Variants in MRGPRX3 observed in about 807,000 individuals in gnomAD.
The protein encoded by MRGPRX3 is mas-related G protein-coupled receptor member X3.
In MRGPRX3, 14 loss-of-function variants were observed where a neutral mutation model predicts 16.5. That is an observed-to-expected ratio of 0.85 (90% CI 0.56 to 1.33). MRGPRX3 has a LOEUF of 1.33. Among genes scored for constraint, MRGPRX3 ranks in the 40% most tolerant of loss-of-function variants. The pLI, the probability that MRGPRX3 is intolerant of heterozygous loss-of-function variation, is 0.00. For synonymous variants in MRGPRX3, 199 were observed against 180.1 expected, an observed-to-expected ratio of 1.10 and a Z score of -0.84; for missense variants, 449 against 413.0, an observed-to-expected ratio of 1.09 and a Z score of -0.76.
intron 1 of MRGPRX3, among the ~76,000 whole-genome samples, chr11:18,125,852 C>A (rs1181531103): frequency 3.3e-5 from 5 of 152,268 alleles, no homozygotes; most frequent in Admixed American, 2.6e-4. Context: ...TAAGGACTTG[C>A]TTTATGAATC....
Position 18,137,544 on chromosome 11 carries a change from C to T in MRGPRX3, c.342C>T (p.Ser114=), listed in dbSNP as rs150356587. ...ACTTTATAGGCCTAAGCATGCTGAG[C>T]GCCATCAGCACCGAGCGCTGCCTGT... is the stretch of plus-strand genomic sequence containing the variant. ...FPYFIGLSML[S]AISTERCLSI... is the part of the protein sequence containing the mutation. Residue 114 remains serine (S), a synonymous_variant, in exon 2 of 2, where the codon AGC becomes AGT. Coordinates refer to ENST00000621697, the MANE Select transcript of MRGPRX3 (RefSeq NM_001370464.1). 74 of 1,614,038 alleles carry T rather than the reference C, an allele frequency of 4.6e-5. No homozygotes were observed. Among genetic ancestry groups the T allele is most frequent in the Middle Eastern group, 1.6e-4 (1 of 6,084 alleles).
intron 1 of MRGPRX3, among the ~76,000 whole-genome samples, chr11:18,135,055 G>C (rs1848996098): frequency 6.6e-6 from 1 of 152,184 alleles, no homozygotes; most frequent in East Asian, 1.9e-4. Context: ...GCAGAGAACA[G>C]AACTGGAGTC....
intron 1 of MRGPRX3, among the ~76,000 whole-genome samples, chr11:18,135,484 GGA>G (rs1403022939): frequency 2.0e-5 from 3 of 152,164 alleles, no homozygotes; most frequent in Non-Finnish European, 4.4e-5. Context: ...TACTCCCAGA[GGA>G]GGATGCATCT....
intron 1 of MRGPRX3, among the ~76,000 whole-genome samples, chr11:18,136,940 A>C (rs1425475410): frequency 6.6e-6 from 1 of 152,140 alleles, no homozygotes; most frequent in African/African-American, 2.4e-5. Context: ...TTTGATCCTA[A>C]TGTTATCCCC....
intron 1 of MRGPRX3, among the ~76,000 whole-genome samples, chr11:18,123,505 T>C (rs1848860879): frequency 6.6e-6 from 1 of 152,330 alleles, no homozygotes; most frequent in Admixed American, 6.5e-5. Flanking sequence ...CGTAGATATG[T>C]GGCATTATTT....
upstream of MRGPRX3, among the ~76,000 whole-genome samples, chr11:18,127,686 AG>A (rs1345958736): frequency 6.6e-6 from 1 of 152,130 alleles, no homozygotes; most frequent in Non-Finnish European, 1.5e-5. Flanking sequence ...TCTTTTTTCA[AG>A]GTTTTTAACT....
intron 1 of MRGPRX3, among the ~76,000 whole-genome samples, chr11:18,135,742 C>G (rs1197152652): frequency 6.6e-6 from 1 of 152,182 alleles, no homozygotes; most frequent in South Asian, 2.1e-4. Flanking sequence ...TACTTTACCC[C>G]CCTCTAACAT....
Position 18,134,805 on chromosome 11 carries a change from G to T in MRGPRX3, c.-26+2066G>T, listed in dbSNP as rs77662436. Among the ~76,000 whole-genome samples, 395 of 152,302 alleles carry T rather than the reference G, an allele frequency of 2.6e-3. 3 individuals carry two copies. The highest frequency in any genetic ancestry group is 8.9e-3 in the African/African-American group (372 of 41,568). ...TCCTTCTATTAATCCCATGAGCCAG[G>T]ACTTGCTTCTGTCACTTTTGTGATT... On this transcript the variant is annotated intron_variant, in intron 1 of 1. Coordinates refer to ENST00000621697, the MANE Select transcript of MRGPRX3 (RefSeq NM_001370464.1).
Position 18,137,472 on chromosome 11 carries a change from C to T in MRGPRX3, c.270C>T (p.Ile90=), listed in dbSNP as rs1849020829. 1 of 1,614,030 alleles carries T rather than the reference C, an allele frequency of 6.2e-7. No individual in the cohort carries two copies. Among genetic ancestry groups the T allele is most frequent in the African/African-American group, 1.3e-5 (1 of 74,908 alleles). The change falls in exon 2 of 2, where the codon ATC becomes ATT. Residue 90 remains isoleucine (I), a synonymous_variant. Coordinates refer to ENST00000621697, the MANE Select transcript of MRGPRX3 (RefSeq NM_001370464.1). Reference sequence around the variant, plus strand: ...GTTCGCCGTTACGCCTCATCAATATCCGCCATCCCATCTCCAAAATCCTCA... The same window carrying T: ...GTTCGCCGTTACGCCTCATCAATATTCGCCATCCCATCTCCAAAATCCTCA... ...IICSPLRLIN[I]RHPISKILSP...
At chr11:18,137,084 C>G in intron 1 of MRGPRX3, 94 bp from the exon 2 acceptor site, 1 of 1,300,606 alleles carries the variant, frequency 7.7e-7, no homozygotes, top group Non-Finnish European at 1.1e-6. Flanking sequence ...CTGATCTCTC[C>G]TCTTTAAATG....
intron 1 of MRGPRX3, among the ~76,000 whole-genome samples, chr11:18,136,021 C>G (rs1849004771): frequency 6.6e-6 from 1 of 152,170 alleles, no homozygotes. Flanking sequence ...AATCCTCATT[C>G]TCCAGTTGAA....
upstream of MRGPRX3, among the ~76,000 whole-genome samples, chr11:18,131,921 A>G (rs7103911): frequency 0.051 from 7,736 of 152,052 alleles, 648 homozygotes; most frequent in African/African-American, 0.18. Context: ...GATGGAAGAG[A>G]GGCGAGGGAT....
chr11:18,129,149 CA>C (rs1848934650), upstream of MRGPRX3, among the ~76,000 whole-genome samples: 1 of 152,096 alleles, frequency 6.6e-6, no homozygotes, highest in Non-Finnish European at 1.5e-5. Flanking sequence ...GAAGCAAGAA[CA>C]AACTAAACCC....
chr11:18,124,649 C>CT (rs1451508353), intron 1 of MRGPRX3, among the ~76,000 whole-genome samples: 1 of 152,032 alleles, frequency 6.6e-6, no homozygotes, highest in Non-Finnish European at 1.5e-5. Context: ...CTAAAATTCT[C>CT]TTTTTTTGTT....
upstream of MRGPRX3, among the ~76,000 whole-genome samples, chr11:18,128,090 C>T (rs1848921304): frequency 6.6e-6 from 1 of 152,214 alleles, no homozygotes; most frequent in Non-Finnish European, 1.5e-5. Flanking sequence ...ACAGTGGATA[C>T]TGGTGAACAG....
Position 18,137,940 on chromosome 11 carries a change from G to A in MRGPRX3, c.738G>A (p.Trp246Ter), listed in dbSNP as rs902150270. The A allele has an allele frequency of 6.2e-7, 1 of 1,614,074 alleles. No homozygotes were observed. Among genetic ancestry groups the A allele is most frequent in the Non-Finnish European group, 8.5e-7 (1 of 1,180,040 alleles). ...WALFSRIHLD[W>*]KVLFCHVHLV... ...TGTTTTCCAGGATCCACCTGGATTG[G>A]AAAGTCTTATTTTGTCATGTGCATC... Residue 246 changes from tryptophan (W) to a stop codon, truncating the protein, a stop_gained, in exon 2 of 2, where the codon TGG becomes TGA. Coordinates refer to ENST00000621697, the MANE Select transcript of MRGPRX3 (RefSeq NM_001370464.1). LOFTEE classifies it high-confidence loss of function.
At chr11:18,124,837 A>G (rs1848875244) in intron 1 of MRGPRX3, among the ~76,000 whole-genome samples, 4 of 152,180 alleles carry the variant, frequency 2.6e-5, no homozygotes, top group Admixed American at 2.6e-4. Flanking sequence ...TTTGGTTGGT[A>G]AGATGTTAAT....
upstream of MRGPRX3, among the ~76,000 whole-genome samples, chr11:18,131,383 T>C (rs79694725): frequency 2.0e-5 from 3 of 151,842 alleles, no homozygotes; most frequent in South Asian, 2.1e-4. Context: ...AGGACATGAA[T>C]AGACAATTCT....
upstream of MRGPRX3, among the ~76,000 whole-genome samples, chr11:18,129,027 G>A (rs949820549): frequency 2.0e-5 from 3 of 152,154 alleles, no homozygotes; most frequent in African/African-American, 7.2e-5. Context: ...CAAAACCTCT[G>A]AAATACAGCA....
Sources: allele counts gnomAD v4.1 joint callset (sites outside exome capture counted in the v4.1 genomes callset), GRCh38; gene constraint gnomAD v4.1.1; transcripts MANE v1.5; gene names NCBI Gene and HGNC (gene_info 2026-07-23, HGNC 2026-07-21).